GMDS: variants seen among roughly 807,000 people sequenced by gnomAD.
GMDS encodes the protein GDP-mannose 4,6-dehydratase.
Under a neutral mutation model 49.9 loss-of-function variants are expected in GMDS, and 20 were observed. The observed-to-expected ratio is 0.40, with a 90% CI of 0.28 to 0.58. GMDS has a LOEUF of 0.58. Among genes scored for constraint, GMDS ranks in the 20% least tolerant of loss-of-function variants. GMDS has a pLI of 0.42. For missense variants in GMDS, 362 were observed against 481.4 expected (o/e 0.75, Z 2.32); for synonymous variants, 177 against 178.6 (o/e 0.99, Z 0.07).
intron 9 of GMDS, among the ~76,000 whole-genome samples, chr6:1,683,477 T>C (rs2814819): frequency 0.87 from 132,968 of 152,108 alleles, 58,394 homozygotes; most frequent in Middle Eastern, 0.95. Context: ...CCTGTCATAA[T>C]GGAGAAATTA....
Position 2,072,981 on chromosome 6 carries a change from A to C in GMDS, c.345+42790T>G, listed in dbSNP as rs191119332. Among the ~76,000 whole-genome samples the C allele has an allele frequency of 2.6e-5, 4 of 152,246 alleles. No homozygotes were observed. The East Asian group carries it at 5.8e-4, about 22-fold the overall frequency. On this transcript the variant is annotated intron_variant, in intron 4 of 10. Transcript: ENST00000380815. The stretch of plus-strand genomic sequence containing the variant: ...CATTAATAGACTATTTTCTTTTTGC[A>C]AATATTGTTTTAACCCATCTGAGGC...
chr6:1,923,232 C>T (rs967644656), intron 7 of GMDS, among the ~76,000 whole-genome samples: 1 of 152,122 alleles, frequency 6.6e-6, no homozygotes, highest in Non-Finnish European at 1.5e-5. Flanking sequence ...TTCAAGTGTC[C>T]ACACTACCTC....
intron 7 of GMDS, among the ~76,000 whole-genome samples, chr6:1,798,896 A>G (rs1166318920): frequency 6.6e-6 from 1 of 152,210 alleles, no homozygotes. Context: ...GCTTGCTTCA[A>G]AACATACTTC....
intron 7 of GMDS, among the ~76,000 whole-genome samples, chr6:1,880,593 AT>A (rs1320234148): frequency 2.0e-5 from 3 of 152,182 alleles, no homozygotes; most frequent in South Asian, 4.1e-4. Context: ...GTTCCTAGCC[AT>A]TGTGGTTAAC....
intron 1 of GMDS, among the ~76,000 whole-genome samples, chr6:2,231,803 T>C (rs1414600154): frequency 1.3e-5 from 2 of 152,184 alleles, no homozygotes; most frequent in Non-Finnish European, 2.9e-5. Flanking sequence ...GTGTCCTACC[T>C]TGGAGTCAAG....
chr6:1,741,811 C>CAAAAA lies in GMDS; in HGVS notation c.890+652_890+656dup, dbSNP rs758949708. On this transcript the variant is annotated intron_variant, in intron 8 of 10. Coordinates refer to ENST00000380815, the MANE Select transcript of GMDS (RefSeq NM_001500.4). The stretch of plus-strand genomic sequence containing the variant: ...TGAGCAACAGAGCAAGACTCTGTCT[C>CAAAAA]AAAAAAAAAAAAAAAAAAAAAAAAA... 4.6e-3 allele frequency among the ~76,000 whole-genome samples: 106 copies of CAAAAA among 23,036 alleles called. 3 individuals are homozygous for CAAAAA. The highest frequency in any genetic ancestry group is 8.8e-3 in the Non-Finnish European group (91 of 10,374). The allele number at this position is 23,036 out of a possible 152,430, so 15.1% of individuals were successfully genotyped here. A position where few individuals can be genotyped will look rare whatever the true frequency, so the allele number is the denominator to read the frequency against.
intron 6 of GMDS, among the ~76,000 whole-genome samples, chr6:1,935,979 G>A (rs1040624176): frequency 6.6e-6 from 1 of 152,174 alleles, no homozygotes; most frequent in African/African-American, 2.4e-5. Context: ...GGGCACTGAG[G>A]AGTCTGGGCT....
intron 4 of GMDS, among the ~76,000 whole-genome samples, chr6:1,990,317 A>G (rs1473849666): frequency 1.3e-5 from 2 of 152,068 alleles, no homozygotes; most frequent in Non-Finnish European, 2.9e-5. Context: ...AGAAAGAAAG[A>G]AATGTTAGCC....
intron 4 of GMDS, among the ~76,000 whole-genome samples, chr6:1,993,195 C>T (rs937995965): frequency 1.3e-5 from 2 of 152,106 alleles, no homozygotes; most frequent in African/African-American, 4.8e-5. Context: ...CACCAAACTT[C>T]TCTTCCTTCT....
intron 9 of GMDS, among the ~76,000 whole-genome samples, chr6:1,659,478 C>T (rs970910767): frequency 1.9e-4 from 29 of 152,072 alleles, no homozygotes; most frequent in Non-Finnish European, 1.9e-4. Flanking sequence ...GGGTACCTTG[C>T]TTTGGGTGTG....
chr6:2,202,587 T>C (rs543178054), intron 1 of GMDS, among the ~76,000 whole-genome samples: 2 of 152,194 alleles, frequency 1.3e-5, no homozygotes, highest in East Asian at 1.9e-4. Context: ...ATGGAGTTAA[T>C]TGATGGAAAC....
intron 7 of GMDS, among the ~76,000 whole-genome samples, chr6:1,854,701 T>C (rs1225468568): frequency 6.6e-6 from 1 of 152,218 alleles, no homozygotes; most frequent in East Asian, 1.9e-4. Context: ...ACTCGCGATC[T>C]AGCAGCAAGA....
chr6:1,671,758 G>A (rs180763373), intron 9 of GMDS, among the ~76,000 whole-genome samples: 19,263 of 107,090 alleles, frequency 0.18, 1,665 homozygotes, highest in Middle Eastern at 0.24. Context: ...TCTGCCCCCC[G>A]GGTTCAACTG....
intron 4 of GMDS, among the ~76,000 whole-genome samples, chr6:1,999,111 C>T (rs1766483465): frequency 1.3e-5 from 2 of 152,094 alleles, no homozygotes; most frequent in South Asian, 4.2e-4. Context: ...ATCATGAGGT[C>T]AGGAAATCGA....
chr6:1,879,726 CTT>C (rs1391282200), intron 7 of GMDS, among the ~76,000 whole-genome samples: 1 of 152,100 alleles, frequency 6.6e-6, no homozygotes, highest in African/African-American at 2.4e-5. Context: ...TCCACTGACT[CTT>C]TTCAGATTAA....
intron 4 of GMDS, among the ~76,000 whole-genome samples, chr6:2,076,114 C>G (rs1466025861): frequency 7.2e-5 from 11 of 151,826 alleles, no homozygotes; most frequent in African/African-American, 2.7e-4. Flanking sequence ...GTTTTTTCTT[C>G]TAAATTTGTC....
chr6:1,731,760 G>A (rs1420923820), intron 8 of GMDS, among the ~76,000 whole-genome samples: 1 of 152,172 alleles, frequency 6.6e-6, no homozygotes, highest in Non-Finnish European at 1.5e-5. Flanking sequence ...GCTCAGTGCA[G>A]GATAGCAGCT....
At chr6:2,013,383 T>C (rs75981840) in intron 4 of GMDS, among the ~76,000 whole-genome samples, 9 of 151,950 alleles carry the variant, frequency 5.9e-5, no homozygotes, top group East Asian at 3.9e-4. Flanking sequence ...ACAAGTCAAG[T>C]CCAGCTTTCA....
At chr6:1,998,663 T>G (rs1766447811) in intron 4 of GMDS, among the ~76,000 whole-genome samples, 1 of 152,220 alleles carries the variant, frequency 6.6e-6, no homozygotes, top group Non-Finnish European at 1.5e-5. Context: ...ACCAATTATT[T>G]ACATAGCATT....
Sources: allele counts gnomAD v4.1 joint callset (sites outside exome capture counted in the v4.1 genomes callset), GRCh38; gene constraint gnomAD v4.1.1; transcripts MANE v1.5; gene names NCBI Gene and HGNC (gene_info 2026-07-23, HGNC 2026-07-21).